FMN2: variants seen among roughly 807,000 people sequenced by gnomAD.
The protein encoded by FMN2 is formin-2.
Under a neutral mutation model 142.3 loss-of-function variants are expected in FMN2, and 51 were observed. The observed-to-expected ratio is 0.36, with a 90% CI of 0.29 to 0.45. The LOEUF is 0.45. Ranked by LOEUF, FMN2 falls within the 20% of genes least tolerant of loss-of-function variation. FMN2 has a pLI of 1.00. For missense variants in FMN2, 1,936 were observed against 2,122.8 expected (o/e 0.91, Z 1.73); for synonymous variants, 882 against 869.8 (o/e 1.01, Z -0.25).
intron 2 of FMN2, chr1:240,170,745 C>T: frequency 6.9e-7 from 1 of 1,457,512 alleles, no homozygotes; most frequent in Non-Finnish European, 9.6e-7. Context: ...TGGGGCCTGG[C>T]TCTGTTTGGG....
intron 13 of FMN2, among the ~76,000 whole-genome samples, chr1:240,355,129 T>C (rs2103045423): frequency 6.6e-6 from 1 of 152,294 alleles, no homozygotes; most frequent in South Asian, 2.1e-4. Flanking sequence ...TGCTGCATAT[T>C]ATCTGTGGAC....
At chr1:240,323,483 A>AC (rs1671052181) in intron 8 of FMN2, among the ~76,000 whole-genome samples, 3 of 152,044 alleles carry the variant, frequency 2.0e-5, no homozygotes, top group Non-Finnish European at 4.4e-5. Flanking sequence ...GGCGTGAGCC[A>AC]TGCCCCTGGC....
chr1:240,325,575 A>G (rs1228784571), intron 8 of FMN2, among the ~76,000 whole-genome samples: 1 of 152,204 alleles, frequency 6.6e-6, no homozygotes, highest in Non-Finnish European at 1.5e-5. Context: ...ACTGACACAC[A>G]TGGGGCTTTT....
chr1:240,456,708 G>A (rs929441587), intron 16 of FMN2, among the ~76,000 whole-genome samples: 5 of 152,122 alleles, frequency 3.3e-5, no homozygotes, highest in Admixed American at 6.5e-5. Context: ...CACACACCTC[G>A]GCCTCCCAAA....
intron 15 of FMN2, among the ~76,000 whole-genome samples, chr1:240,403,681 C>T (rs962794768): frequency 3.3e-5 from 5 of 151,868 alleles, no homozygotes; most frequent in South Asian, 2.1e-4. Flanking sequence ...CTGATGAGAC[C>T]GTAAGATGAT....
intron 2 of FMN2, among the ~76,000 whole-genome samples, chr1:240,137,662 G>A (rs1663000623): frequency 6.6e-6 from 1 of 152,278 alleles, no homozygotes; most frequent in South Asian, 2.1e-4. Context: ...TGTGGAAAGG[G>A]GCTACTGGGT....
intron 13 of FMN2, 47 bp from the exon 14 acceptor site, chr1:240,355,769 C>A: frequency 7.2e-7 from 1 of 1,379,790 alleles, no homozygotes; most frequent in Non-Finnish European, 1.0e-6. Flanking sequence ...TGCCTTAATG[C>A]TCCACTAACA....
intron 2 of FMN2, among the ~76,000 whole-genome samples, chr1:240,156,747 A>T (rs1241150141): frequency 1.3e-5 from 2 of 152,216 alleles, no homozygotes; most frequent in Non-Finnish European, 2.9e-5. Context: ...TCCAGAAAGG[A>T]TCAAGCAGAA....
intron 16 of FMN2, among the ~76,000 whole-genome samples, chr1:240,462,604 G>A (rs77010592): frequency 1.2e-3 from 186 of 152,218 alleles, no homozygotes; most frequent in African/African-American, 4.2e-3. Context: ...CTTAATCGTC[G>A]TTTTACTGTG....
At chr1:240,364,784 C>T (rs1013201469) in intron 14 of FMN2, among the ~76,000 whole-genome samples, 4 of 152,142 alleles carry the variant, frequency 2.6e-5, no homozygotes, top group Non-Finnish European at 5.9e-5. Flanking sequence ...GTCTTCAGCA[C>T]CTAGTACGTC....
intron 2 of FMN2, among the ~76,000 whole-genome samples, chr1:240,128,595 T>C (rs565701525): frequency 5.9e-5 from 9 of 152,330 alleles, no homozygotes; most frequent in African/African-American, 2.2e-4. Flanking sequence ...GATCCCTTGC[T>C]CACCAGATGG....
At chr1:240,224,987 A>G (rs950826360) in intron 6 of FMN2, among the ~76,000 whole-genome samples, 1 of 152,188 alleles carries the variant, frequency 6.6e-6, no homozygotes, top group African/African-American at 2.4e-5. Context: ...GAAGGAACTC[A>G]GATAAAACAA....
chr1:240,127,735 C>A (rs1432799858), intron 2 of FMN2, among the ~76,000 whole-genome samples: 5 of 152,158 alleles, frequency 3.3e-5, no homozygotes, highest in Non-Finnish European at 5.9e-5. Flanking sequence ...CTGCCTTGGC[C>A]TCCCAAAATG....
At chr1:240,197,163 C>T (rs750356543) in intron 4 of FMN2, among the ~76,000 whole-genome samples, 1 of 152,142 alleles carries the variant, frequency 6.6e-6, no homozygotes, top group African/African-American at 2.4e-5. Flanking sequence ...GTCACCAGTG[C>T]CCAGTGATGT....
At position 240,394,640 on chromosome 1, in the gene FMN2, T is replaced by G. The variant is rs146129104; in HGVS notation, c.4910+2078T>G. ...AAGAAGATGCCATCTAGGATTTTCA[T>G]AGCTAGAGAGAAGTCAATGCCTGAC... On this transcript the variant is annotated intron_variant, in intron 15 of 17. Transcript: ENST00000319653. 7.5e-3 allele frequency among the ~76,000 whole-genome samples: 1,143 copies of G among 152,256 alleles called. 15 individuals are homozygous for G. Among genetic ancestry groups the G allele is most frequent in the African/African-American group, 0.025 (1,044 of 41,556 alleles).
chr1:240,167,576 ATTT>A (rs1664529700), intron 2 of FMN2, among the ~76,000 whole-genome samples: 1 of 152,166 alleles, frequency 6.6e-6, no homozygotes. Flanking sequence ...AAGCCCTTTT[ATTT>A]AAAAGCCAAC....
chr1:240,182,071 T>G (rs2103331767), intron 3 of FMN2, among the ~76,000 whole-genome samples: 1 of 152,318 alleles, frequency 6.6e-6, no homozygotes, highest in East Asian at 1.9e-4. Context: ...CTGGAAAAGA[T>G]CTAAATAAAC....
chr1:240,093,369 G>C lies in FMN2; in HGVS notation c.1260G>C (p.Lys420Asn). The change falls in exon 1 of 18, where the codon AAG becomes AAC. Residue 420 changes from lysine (K) to asparagine (N), a missense_variant. Lys to Asn is a moderately conservative substitution (Grantham distance 94). Transcript: ENST00000319653. ...PYPLITPCYI[K>N]TTTRQLSSPN... ...CGCTCATCACCCCCTGCTACATCAAGACCACCACCCGGCAGCTCAGCTCGC... is the reference window on the plus strand; with the variant it reads ...CGCTCATCACCCCCTGCTACATCAACACCACCACCCGGCAGCTCAGCTCGC... 6.2e-7 allele frequency: 1 copy of C among 1,612,968 alleles called. No individual in the cohort carries two copies. Among genetic ancestry groups the C allele is most frequent in the Non-Finnish European group, 8.5e-7 (1 of 1,179,542 alleles).
intron 2 of FMN2, among the ~76,000 whole-genome samples, chr1:240,139,111 G>A (rs546050928): frequency 6.6e-6 from 1 of 152,174 alleles, no homozygotes; most frequent in Admixed American, 6.5e-5. Flanking sequence ...AATGATGCCG[G>A]TCGGGGACCA....
Sources: gnomAD v4.1 joint callset for allele counts (sites outside exome capture counted in the v4.1 genomes callset) on GRCh38, gnomAD v4.1.1 for gene constraint, MANE v1.5 for transcripts, NCBI Gene and HGNC (gene_info 2026-07-23, HGNC 2026-07-21) for gene names.